The following LARP6 variants were observed in gnomAD, a reference collection of about 807,000 sequenced individuals.
The protein encoded by LARP6 is la-related protein 6.
Under a neutral mutation model 32.8 loss-of-function variants are expected in LARP6, and 18 were observed. That is an observed-to-expected ratio of 0.55 (90% CI 0.38 to 0.81). The LOEUF (loss-of-function observed/expected upper bound fraction) is 0.81. LARP6 is among the 40% of genes least tolerant of loss of function. The pLI is 0.00. For synonymous variants in LARP6, 289 were observed against 267.2 expected (o/e 1.08, Z -0.80); for missense variants, 598 against 663.1 (o/e 0.90, Z 1.08).
chr15:70,834,400 G>A (rs1230729312), intron 2 of LARP6, among the ~76,000 whole-genome samples: 1 of 152,230 alleles, frequency 6.6e-6, no homozygotes, highest in East Asian at 1.9e-4. Context: ...AATCCAGAAA[G>A]GGTGAAGCTG....
chr15:70,850,964 C>T (rs977543931), intron 1 of LARP6, among the ~76,000 whole-genome samples: 5 of 152,026 alleles, frequency 3.3e-5, no homozygotes, highest in African/African-American at 1.2e-4. Flanking sequence ...AGTCTAGAGA[C>T]ATAAGAAGCA....
chr15:70,842,510 C>T (rs1008342691), intron 1 of LARP6, among the ~76,000 whole-genome samples: 3 of 152,174 alleles, frequency 2.0e-5, no homozygotes, highest in African/African-American at 7.2e-5. Flanking sequence ...AGCTGCAGTC[C>T]TCAATTCCTA....
chr15:70,840,135 C>T (rs537116349), intron 1 of LARP6, among the ~76,000 whole-genome samples: 92 of 152,168 alleles, frequency 6.0e-4, no homozygotes, highest in South Asian at 3.1e-3. Flanking sequence ...CAAAACATGC[C>T]GAAGGGAAAA....
At chr15:70,833,410 C>A (rs1422141296) in intron 2 of LARP6, among the ~76,000 whole-genome samples, 1 of 152,162 alleles carries the variant, frequency 6.6e-6, no homozygotes, top group Non-Finnish European at 1.5e-5. Context: ...AATTTGCAGG[C>A]TCTGGAACAA....
At chr15:70,849,809 G>A (rs1316213802) in intron 1 of LARP6, 1 of 152,142 alleles carries the variant, frequency 6.6e-6, no homozygotes, top group East Asian at 1.9e-4. Context: ...AAATTATTTA[G>A]TGTGACTATT....
intron 1 of LARP6, among the ~76,000 whole-genome samples, chr15:70,845,218 G>C (rs75846809): frequency 0.046 from 7,045 of 152,082 alleles, 283 homozygotes; most frequent in Admixed American, 0.13. Context: ...GATTTCCTTA[G>C]TTTTGCCTAT....
chr15:70,842,625 C>T lies in LARP6; in HGVS notation c.201-6120G>A, dbSNP rs371342104. On this transcript the variant is annotated intron_variant, in intron 1 of 2. Transcript: ENST00000299213. ...CTGCAGAACCTGACCTCAGGCAGGA[C>T]TGAAGCCTGGGCCCATCAATAGGCA... Among the ~76,000 whole-genome samples the T allele has an allele frequency of 2.6e-5, 4 of 152,284 alleles. No individual in the cohort carries two copies. In the South Asian group the frequency reaches 8.3e-4, roughly 32 times the overall value.
chr15:70,839,437 CAA>C (rs10580315), intron 1 of LARP6, among the ~76,000 whole-genome samples: 55,962 of 129,884 alleles, frequency 0.43, 12,051 homozygotes, highest in Admixed American at 0.62. Context: ...GAGACTGTCT[CAA>C]AAAAAAAAAA....
At chr15:70,839,314 C>T (rs2032208302) in intron 1 of LARP6, among the ~76,000 whole-genome samples, 1 of 151,942 alleles carries the variant, frequency 6.6e-6, no homozygotes, top group Non-Finnish European at 1.5e-5. Context: ...GTGGCACATG[C>T]CTGTAATCCC....
intron 1 of LARP6, chr15:70,851,593 G>A: frequency 6.3e-7 from 1 of 1,595,878 alleles, no homozygotes. Context: ...CAACACCATT[G>A]AGTGAGTGTG....
chr15:70,847,520 C>A (rs1032770543), intron 1 of LARP6, among the ~76,000 whole-genome samples: 1 of 152,080 alleles, frequency 6.6e-6, no homozygotes, highest in Admixed American at 6.6e-5. Flanking sequence ...CAGGTGCGCA[C>A]CACCATGCCT....
At position 70,832,221 on chromosome 15, in the gene LARP6, C is replaced by T. The variant is rs372104696; in HGVS notation, c.1307G>A (p.Arg436His). Residue 436 changes from arginine to histidine, a missense_variant, in exon 3 of 3, where the codon CGT becomes CAT. Physicochemically the swap from Arg to His is conservative, Grantham distance 29. Transcript: ENST00000299213. ...CTGGGTCCCCATCTCGGCTTGGCGACGCCTCCGGACCCAGGGGCTGCCAGA... is the reference window on the plus strand; with the variant it reads ...CTGGGTCCCCATCTCGGCTTGGCGATGCCTCCGGACCCAGGGGCTGCCAGA... ...TPSGSPWVRR[R>H]RQAEMGTQEK... 2.4e-5 allele frequency: 38 copies of T among 1,613,766 alleles called. No homozygotes were observed. The highest frequency in any genetic ancestry group is 1.3e-5 in the African/African-American group (1 of 74,906).
chr15:70,852,058 T>C (rs1267891003), intron 1 of LARP6: 1 of 364,216 alleles, frequency 2.7e-6, no homozygotes, highest in East Asian at 6.7e-5. Flanking sequence ...AATGAGCAGA[T>C]TGAGGAATCT....
chr15:70,831,477 C>CTA lies in LARP6; in HGVS notation c.*574_*575insTA, dbSNP rs879053495. 1 of 152,154 alleles carries CTA rather than the reference C, an allele frequency of 6.6e-6. No homozygotes were observed. Among genetic ancestry groups the CTA allele is most frequent in the Admixed American group, 6.5e-5 (1 of 15,272 alleles). The allele number at this position is 152,154 out of a possible 1,614,324, so 9.4% of individuals were successfully genotyped here. On this transcript the variant is annotated 3_prime_UTR_variant, in exon 3 of 3. Transcript: ENST00000299213. ...AGCTCCTCAGGGCCTCATGACATACCACCCACAGCTCTGTCAGACAGGCAC... is the reference window on the plus strand; with the variant it reads ...AGCTCCTCAGGGCCTCATGACATACCTAACCCACAGCTCTGTCAGACAGGCAC...
chr15:70,835,968 C>T (rs961047748), intron 2 of LARP6, among the ~76,000 whole-genome samples: 2 of 152,178 alleles, frequency 1.3e-5, no homozygotes, highest in African/African-American at 4.8e-5. Flanking sequence ...TCAAGGCCTT[C>T]GAGTCCGTCT....
At chr15:70,850,906 T>C (rs1192521777) in intron 1 of LARP6, among the ~76,000 whole-genome samples, 1 of 152,052 alleles carries the variant, frequency 6.6e-6, no homozygotes, top group Non-Finnish European at 1.5e-5. Context: ...CTGTCCAAAA[T>C]AGCAAAGCAT....
In LARP6 at chr15:70,832,698, A is replaced by G. The variant is rs1567019771; in HGVS notation, c.830T>C (p.Ile277Thr). The change falls in exon 3 of 3, where the codon ATC becomes ACC. Residue 277 changes from isoleucine (I) to threonine (T), a missense_variant. Coordinates refer to ENST00000299213, the MANE Select transcript of LARP6 (RefSeq NM_018357.4). ...GTTCTCTTTGCCCTGAGATTCTGTG[A>G]TCATGAACTCATGGGCTTTGATGGC... is the stretch of plus-strand genomic sequence containing the variant. ...EAAIKAHEFM[I>T]TESQGKENMK... The G allele has an allele frequency of 6.2e-7, 1 of 1,605,944 alleles. No individual in the cohort carries two copies. The highest frequency in any genetic ancestry group is 8.5e-7 in the Non-Finnish European group (1 of 1,177,118).
At chr15:70,851,301 T>G (rs2032443908) in intron 1 of LARP6, 1 of 286,942 alleles carries the variant, frequency 3.5e-6, no homozygotes, top group South Asian at 8.3e-5. Flanking sequence ...ATGATGGGTA[T>G]ATGAATGCTC....
At chr15:70,853,792 C>T (rs1323710490) in intron 1 of LARP6, 97 bp downstream of exon 1, 13 of 946,534 alleles carry the variant, frequency 1.4e-5, no homozygotes, top group Non-Finnish European at 1.6e-5. Flanking sequence ...TCAACCCCCT[C>T]TGCCCGAGGA....
Sources: gnomAD v4.1 joint callset for allele counts (sites outside exome capture counted in the v4.1 genomes callset) on GRCh38, gnomAD v4.1.1 for gene constraint, MANE v1.5 for transcripts, NCBI Gene and HGNC (gene_info 2026-07-23, HGNC 2026-07-21) for gene names.